The following CSMD1 variants were observed in gnomAD, a reference collection of about 807,000 sequenced individuals.
The protein encoded by CSMD1 is CUB and sushi domain-containing protein 1.
Under a neutral mutation model 417.5 loss-of-function variants are expected in CSMD1, and 213 were observed. The observed-to-expected ratio is 0.51, with a 90% CI of 0.46 to 0.57. The LOEUF (loss-of-function observed/expected upper bound fraction) is 0.57. Ranked by LOEUF, CSMD1 falls within the 20% of genes least tolerant of loss-of-function variation. The probability of loss-of-function intolerance (pLI) is 0.00; values close to 1 mark genes in which losing one functional copy is unlikely to be tolerated. For missense variants in CSMD1, 6,923 were observed against 4,529.7 expected, an observed-to-expected ratio of 1.53 and a Z score of -15.17; for synonymous variants, 2,862 against 1,736.8, an observed-to-expected ratio of 1.65 and a Z score of -16.11.
At chr8:4,138,735 G>A (rs905007584) in intron 3 of CSMD1, among the ~76,000 whole-genome samples, 12 of 152,044 alleles carry the variant, frequency 7.9e-5, no homozygotes, top group Admixed American at 1.3e-4. Flanking sequence ...TTTAACTAGA[G>A]GAAAAATACT....
chr8:4,619,637 C>T (rs1364981402), intron 2 of CSMD1, among the ~76,000 whole-genome samples: 1 of 152,034 alleles, frequency 6.6e-6, no homozygotes, highest in Non-Finnish European at 1.5e-5. Context: ...GTACTCTAGC[C>T]ACATGGGACG....
At chr8:3,684,591 A>G (rs1204229049) in intron 7 of CSMD1, among the ~76,000 whole-genome samples, 1 of 144,122 alleles carries the variant, frequency 6.9e-6, no homozygotes. Flanking sequence ...AGATACTGAT[A>G]CAGTCTTTTT....
intron 1 of CSMD1, among the ~76,000 whole-genome samples, chr8:4,769,463 A>C (rs1796495147): frequency 6.6e-6 from 1 of 152,224 alleles, no homozygotes; most frequent in Non-Finnish European, 1.5e-5. Context: ...ATCACTTATG[A>C]AGATAAATAC....
At position 4,869,361 on chromosome 8, in the gene CSMD1, G is replaced by A. The variant is rs188579604; in HGVS notation, c.85+124971C>T. On this transcript the variant is annotated intron_variant, in intron 1 of 69. Coordinates refer to ENST00000635120, the MANE Select transcript of CSMD1 (RefSeq NM_033225.6). The stretch of plus-strand genomic sequence containing the variant: ...CTGGATCTCTTTCCTTTATGTTAAT[G>A]CTCTCTGTATTTTAATCACTCGAAT... Among the ~76,000 whole-genome samples the A allele has an allele frequency of 6.6e-5, 10 of 152,002 alleles. 1 individual carries two copies. Among genetic ancestry groups the A allele is most frequent in the African/African-American group, 2.4e-4 (10 of 41,440 alleles).
chr8:3,685,408 G>T (rs1449523677), intron 7 of CSMD1, among the ~76,000 whole-genome samples: 2 of 152,112 alleles, frequency 1.3e-5, no homozygotes, highest in African/African-American at 4.8e-5. Flanking sequence ...TCACTGCACA[G>T]AATGCCAATG....
At chr8:3,549,567 T>C (rs1234314002) in intron 10 of CSMD1, among the ~76,000 whole-genome samples, 1 of 152,204 alleles carries the variant, frequency 6.6e-6, no homozygotes, top group Non-Finnish European at 1.5e-5. Context: ...ATTAATGCAT[T>C]AATTTGTTAA....
intron 5 of CSMD1, among the ~76,000 whole-genome samples, chr8:3,827,343 T>C (rs1216541261): frequency 1.3e-5 from 2 of 152,184 alleles, no homozygotes; most frequent in Non-Finnish European, 2.9e-5. Context: ...AATTAATAAC[T>C]ATAGACAACA....
chr8:4,583,161 C>G (rs1320867524), intron 2 of CSMD1, among the ~76,000 whole-genome samples: 1 of 152,194 alleles, frequency 6.6e-6, no homozygotes, highest in Non-Finnish European at 1.5e-5. Context: ...GAGCACCATC[C>G]TCTGCTCCAC....
At position 4,226,491 on chromosome 8, in the gene CSMD1, T is replaced by G. The variant is rs547714496; in HGVS notation, c.415+193462A>C. Among the ~76,000 whole-genome samples the G allele has an allele frequency of 3.3e-5, 5 of 152,286 alleles. No individual in the cohort carries two copies. In the South Asian group the frequency reaches 1.0e-3, roughly 32 times the overall value. ...TGCAATTTAGAAATTTTACAGGACT[T>G]TGCAGTAACAGAACCTATAATGAGT... On this transcript the variant is annotated intron_variant, in intron 3 of 69. Coordinates refer to ENST00000635120, the MANE Select transcript of CSMD1 (RefSeq NM_033225.6).
chr8:3,377,035 G>C (rs554379680), intron 18 of CSMD1, among the ~76,000 whole-genome samples: 3 of 152,290 alleles, frequency 2.0e-5, no homozygotes, highest in Non-Finnish European at 1.5e-5. Flanking sequence ...TGGAGACAGA[G>C]TCTTGCTCTA....
At chr8:3,463,547 A>C (rs1816636015) in intron 12 of CSMD1, among the ~76,000 whole-genome samples, 1 of 152,162 alleles carries the variant, frequency 6.6e-6, no homozygotes, top group Admixed American at 6.5e-5. Flanking sequence ...GTCTTGTCTG[A>C]CTATGAATAG....
At chr8:4,345,102 C>T (rs575068488) in intron 3 of CSMD1, among the ~76,000 whole-genome samples, 18 of 152,246 alleles carry the variant, frequency 1.2e-4, no homozygotes, top group Admixed American at 3.3e-4. Context: ...AATGATGGGG[C>T]AGCCAAGGGG....
intron 4 of CSMD1, among the ~76,000 whole-genome samples, chr8:4,005,219 C>G (rs1161950398): frequency 6.6e-6 from 1 of 152,072 alleles, no homozygotes; most frequent in Non-Finnish European, 1.5e-5. Flanking sequence ...TGCACCATCT[C>G]AGAAATCACC....
chr8:4,186,629 A>T (rs1798693715), intron 3 of CSMD1, among the ~76,000 whole-genome samples: 1 of 152,286 alleles, frequency 6.6e-6, no homozygotes, highest in East Asian at 1.9e-4. Context: ...AGGGGCTAAG[A>T]GGCTATTATT....
chr8:4,332,684 G>A (rs10103969), intron 3 of CSMD1, among the ~76,000 whole-genome samples: 66,811 of 149,078 alleles, frequency 0.45, 16,793 homozygotes, highest in African/African-American at 0.67. Flanking sequence ...GCACCCCTGG[G>A]GGAATATTAA....
chr8:3,687,055 A>T (rs183837206), intron 7 of CSMD1, among the ~76,000 whole-genome samples: 2 of 152,262 alleles, frequency 1.3e-5, no homozygotes, highest in East Asian at 3.9e-4. Flanking sequence ...AATTATGAGG[A>T]TGTGACAGTA....
chr8:4,690,766 G>C (rs934258354), intron 1 of CSMD1, among the ~76,000 whole-genome samples: 5 of 152,102 alleles, frequency 3.3e-5, no homozygotes, highest in Admixed American at 6.6e-5. Flanking sequence ...ATCTCACTCT[G>C]TCACCAGGCT....
intron 10 of CSMD1, among the ~76,000 whole-genome samples, chr8:3,514,545 A>C (rs1563111468): frequency 6.6e-6 from 1 of 152,178 alleles, no homozygotes; most frequent in East Asian, 1.9e-4. Flanking sequence ...TTCACAAATA[A>C]ATAATATGTT....
chr8:4,158,908 TCTTTC>T, intron 3 of CSMD1, among the ~76,000 whole-genome samples: 1 of 152,180 alleles, frequency 6.6e-6, no homozygotes, highest in Admixed American at 6.5e-5. Flanking sequence ...AGAAAGATTA[TCTTTC>T]TATAATTATT....
Sources: gnomAD v4.1 joint callset for allele counts (sites outside exome capture counted in the v4.1 genomes callset) on GRCh38, gnomAD v4.1.1 for gene constraint, MANE v1.5 for transcripts, NCBI Gene and HGNC (gene_info 2026-07-23, HGNC 2026-07-21) for gene names.